The following DNAJC16 variants were observed in gnomAD, a reference collection of about 807,000 sequenced individuals.
DNAJC16 encodes the protein DnaJ heat shock protein family (Hsp40) member C16.
DNAJC16 carries 76 observed loss-of-function variants against 92.7 expected under a neutral mutation model. The ratio of observed to expected loss-of-function variants is 0.82; its 90% confidence interval spans 0.68 to 0.99. The LOEUF (loss-of-function observed/expected upper bound fraction) is 0.99. DNAJC16 is among the 50% of genes least tolerant of loss of function. The pLI is 0.00. For missense variants in DNAJC16, 869 were observed against 942.4 expected, an observed-to-expected ratio of 0.92 and a Z score of 1.02; for synonymous variants, 328 against 358.7, an observed-to-expected ratio of 0.91 and a Z score of 0.97.
intron 7 of DNAJC16, among the ~76,000 whole-genome samples, chr1:15,550,630 A>G (rs1638422970): frequency 6.6e-6 from 1 of 152,212 alleles, no homozygotes; most frequent in African/African-American, 2.4e-5. Flanking sequence ...AATGTGGTTG[A>G]TAGACTCCTG....
At chr1:15,527,550 C>G (rs1710547175) in intron 1 of DNAJC16, among the ~76,000 whole-genome samples, 1 of 152,128 alleles carries the variant, frequency 6.6e-6, no homozygotes, top group African/African-American at 2.4e-5. Context: ...ATAATTTGCC[C>G]AAGGTAATAA....
At chr1:15,544,700 G>C in intron 5 of DNAJC16, 117 bp downstream of exon 5, 3 of 940,286 alleles carry the variant, frequency 3.2e-6, no homozygotes, top group Non-Finnish European at 4.8e-6. Context: ...TGTGAGGAAG[G>C]CATGACACTT....
At position 15,546,873 on chromosome 1, in the gene DNAJC16, T is replaced by C; in HGVS notation, c.864+2T>C. 1 of 1,593,180 alleles carries C rather than the reference T, an allele frequency of 6.3e-7. No individual in the cohort carries two copies. Among genetic ancestry groups the C allele is most frequent in the Non-Finnish European group, 8.6e-7 (1 of 1,167,338 alleles). ...CCCATTGTGCCACTGTTATACAAGGTACTTTCTATGCTAGGATAATGGTTT... is the reference window on the plus strand; with the variant it reads ...CCCATTGTGCCACTGTTATACAAGGCACTTTCTATGCTAGGATAATGGTTT... On this transcript the variant is annotated splice_donor_variant, in intron 6 of 14. Coordinates refer to ENST00000375847, the MANE Select transcript of DNAJC16 (RefSeq NM_015291.4). LOFTEE classifies it high-confidence loss of function.
At chr1:15,563,860 A>AAAT in intron 9 of DNAJC16, 69 bp from the exon 10 acceptor site, 3 of 1,424,996 alleles carry the variant, frequency 2.1e-6, no homozygotes, top group Non-Finnish European at 2.8e-6. Context: ...AAAAAAAAAA[A>AAAT]AAAGCAAACA....
intron 1 of DNAJC16, among the ~76,000 whole-genome samples, chr1:15,528,553 GT>G (rs1310822326): frequency 2.0e-5 from 3 of 152,212 alleles, no homozygotes; most frequent in Non-Finnish European, 2.9e-5. Context: ...TAACTACACA[GT>G]TTTTTGAGAG....
intron 4 of DNAJC16, among the ~76,000 whole-genome samples, chr1:15,539,847 G>A (rs1710890318): frequency 6.6e-6 from 1 of 152,002 alleles, no homozygotes; most frequent in Non-Finnish European, 1.5e-5. Flanking sequence ...GGCCAACATG[G>A]TGAAATCCCG....
intron 7 of DNAJC16, among the ~76,000 whole-genome samples, chr1:15,555,373 A>T (rs1480439532): frequency 6.8e-6 from 1 of 146,714 alleles, no homozygotes; most frequent in Non-Finnish European, 1.5e-5. Flanking sequence ...GCTACAGAGC[A>T]AGACTCCATC....
At chr1:15,535,423 G>A (rs1368044718) in intron 3 of DNAJC16, among the ~76,000 whole-genome samples, 1 of 152,210 alleles carries the variant, frequency 6.6e-6, no homozygotes, top group African/African-American at 2.4e-5. Flanking sequence ...TGAAAGAAGA[G>A]TTTCTCATTC....
At chr1:15,545,687 C>T (rs984069845) in intron 5 of DNAJC16, among the ~76,000 whole-genome samples, 2 of 152,176 alleles carry the variant, frequency 1.3e-5, no homozygotes, top group Non-Finnish European at 2.9e-5. Context: ...TTAGGAATCT[C>T]CCTGTGAGGG....
Position 15,536,694 on chromosome 1 carries a change from G to A in DNAJC16, c.454G>A (p.Glu152Lys). 6.2e-7 allele frequency: 1 copy of A among 1,614,150 alleles called. No individual in the cohort carries two copies. The highest frequency in any genetic ancestry group is 1.3e-5 in the African/African-American group (1 of 75,040). Residue 152 changes from glutamate to lysine, a missense_variant, in exon 4 of 15, where the codon GAA becomes AAA. By Grantham distance (56) the Glu-to-Lys change is moderately conservative. Coordinates refer to ENST00000375847, the MANE Select transcript of DNAJC16 (RefSeq NM_015291.4). ...YLLHFSHYVNEVVPDSFKKPY... is the reference protein window; with the variant it reads ...YLLHFSHYVNKVVPDSFKKPY... ...ATTGCACTTTTCACATTATGTGAAT[G>A]AAGTGGTTCCAGATAGCTTCAAGAA...
At chr1:15,563,520 ACT>A (rs773859329) in intron 9 of DNAJC16, among the ~76,000 whole-genome samples, 26 of 144,462 alleles carry the variant, frequency 1.8e-4, no homozygotes, top group East Asian at 8.4e-4. Flanking sequence ...CAAGGGCGAA[ACT>A]CTGTCTCAAA....
intron 1 of DNAJC16, among the ~76,000 whole-genome samples, chr1:15,528,155 C>T (rs893551883): frequency 2.0e-5 from 3 of 152,144 alleles, no homozygotes; most frequent in African/African-American, 7.2e-5. Context: ...CCATATTGGC[C>T]GGCGCGATGG....
chr1:15,559,549 C>A lies in DNAJC16; in HGVS notation c.1047C>A (p.Ile349=), dbSNP rs2103423786. Residue 349 remains isoleucine (I), a synonymous_variant, in exon 8 of 15, where the codon ATC becomes ATA. Transcript: ENST00000375847. ...AGGCCCGAGGTATGAAGAAGCAAATCATTGACGACTTCATCACCCGAAACA... is the reference window on the plus strand; with the variant it reads ...AGGCCCGAGGTATGAAGAAGCAAATAATTGACGACTTCATCACCCGAAACA... ...VIQARGMKKQ[I]IDDFITRNKY... 1 of 1,614,128 alleles carries A rather than the reference C, an allele frequency of 6.2e-7. No homozygotes were observed. Among genetic ancestry groups the A allele is most frequent in the Non-Finnish European group, 8.5e-7 (1 of 1,180,002 alleles).
chr1:15,570,331 T>G lies in DNAJC16; in HGVS notation c.*2154T>G, dbSNP rs1206272996. 2 of 152,174 alleles carry G rather than the reference T, an allele frequency of 1.3e-5. No homozygotes were observed. Among genetic ancestry groups the G allele is most frequent in the Non-Finnish European group, 2.9e-5 (2 of 68,034 alleles). The allele number at this position is 152,174 out of a possible 1,614,324, so 9.4% of individuals were successfully genotyped here. ...TTTTTAATTTCTGTACTAATGAAAT[T>G]CCTGACTTTAATTTCTGAAAACCAA... On this transcript the variant is annotated 3_prime_UTR_variant, in exon 15 of 15. Coordinates refer to ENST00000375847, the MANE Select transcript of DNAJC16 (RefSeq NM_015291.4).
chr1:15,530,197 G>A (rs1025677520), intron 2 of DNAJC16, among the ~76,000 whole-genome samples: 7 of 151,090 alleles, frequency 4.6e-5, no homozygotes, highest in South Asian at 4.2e-4. Context: ...TGGGAGGATC[G>A]TTTGAGCCCA....
intron 2 of DNAJC16, among the ~76,000 whole-genome samples, chr1:15,531,172 G>A (rs896285694): frequency 3.3e-5 from 5 of 152,182 alleles, no homozygotes; most frequent in South Asian, 2.1e-4. Context: ...AGCTGAATGC[G>A]AGTAGGAAGT....
intron 3 of DNAJC16, 144 bp from the exon 4 acceptor site, chr1:15,536,331 C>A: frequency 1.6e-6 from 1 of 635,102 alleles, no homozygotes; most frequent in Non-Finnish European, 2.6e-6. Flanking sequence ...CCACCCGCCT[C>A]AGCCTCCCAA....
At chr1:15,532,875 T>A (rs750602188) in intron 2 of DNAJC16, among the ~76,000 whole-genome samples, 26 of 152,346 alleles carry the variant, frequency 1.7e-4, no homozygotes, top group Middle Eastern at 3.4e-3. Flanking sequence ...ATTTGGAGTT[T>A]CCTTATTTGT....
At chr1:15,539,536 A>G (rs112561341) in intron 4 of DNAJC16, among the ~76,000 whole-genome samples, 1,742 of 149,916 alleles carry the variant, frequency 0.012, 40 homozygotes, top group African/African-American at 0.04. Flanking sequence ...GTGAGCCACC[A>G]CGCCTGGCTT....
Sources: gnomAD v4.1 joint callset for allele counts (sites outside exome capture counted in the v4.1 genomes callset) on GRCh38, gnomAD v4.1.1 for gene constraint, MANE v1.5 for transcripts, NCBI Gene and HGNC (gene_info 2026-07-23, HGNC 2026-07-21) for gene names.